TCERG1L: variants seen among roughly 807,000 people sequenced by gnomAD.
TCERG1L encodes the protein transcription elongation regulator 1 like, also known as transcription elongation regulator 1-like protein.
In TCERG1L, 37 loss-of-function variants were observed where a neutral mutation model predicts 56.3. The observed-to-expected ratio is 0.66, with a 90% confidence interval of 0.51 to 0.87. The LOEUF is 0.87. TCERG1L is among the 40% of genes least tolerant of loss of function. The pLI, the probability that TCERG1L is intolerant of heterozygous loss-of-function variation, is 0.00. For missense variants in TCERG1L, 799 were observed against 774.2 expected, an observed-to-expected ratio of 1.03 and a Z score of -0.38; for synonymous variants, 324 against 326.3, an observed-to-expected ratio of 0.99 and a Z score of 0.08.
chr10:131,199,719 G>A (rs1171002780), intron 4 of TCERG1L, among the ~76,000 whole-genome samples: 1 of 152,188 alleles, frequency 6.6e-6, no homozygotes, highest in East Asian at 1.9e-4. Context: ...CAGTCATAAA[G>A]GGCCACATAC....
At chr10:131,274,760 C>G (rs1282443072) in intron 3 of TCERG1L, among the ~76,000 whole-genome samples, 1 of 152,176 alleles carries the variant, frequency 6.6e-6, no homozygotes, top group Non-Finnish European at 1.5e-5. Flanking sequence ...TTGTGCTTTT[C>G]CAGCTGAGCT....
At chr10:131,219,256 C>T (rs1048310785) in intron 4 of TCERG1L, among the ~76,000 whole-genome samples, 6 of 152,228 alleles carry the variant, frequency 3.9e-5, no homozygotes, top group East Asian at 1.9e-4. Context: ...CAGGCCAATT[C>T]GGGAGCCTCT....
intron 4 of TCERG1L, among the ~76,000 whole-genome samples, chr10:131,167,635 C>T (rs1005878602): frequency 1.3e-5 from 2 of 152,234 alleles, no homozygotes; most frequent in African/African-American, 4.8e-5. Flanking sequence ...ATGGGCTGCC[C>T]TTGGTCCTGG....
At chr10:131,125,675 G>C (rs1414394340) in intron 8 of TCERG1L, among the ~76,000 whole-genome samples, 1 of 152,228 alleles carries the variant, frequency 6.6e-6, no homozygotes, top group Non-Finnish European at 1.5e-5. Context: ...TGAGATGGGA[G>C]CACAGGGGTG....
chr10:131,149,787 C>T (rs963495406), intron 6 of TCERG1L, among the ~76,000 whole-genome samples: 2 of 152,166 alleles, frequency 1.3e-5, no homozygotes, highest in East Asian at 1.9e-4. Flanking sequence ...CTAGACTCAT[C>T]GATGAGACCC....
intron 3 of TCERG1L, among the ~76,000 whole-genome samples, chr10:131,287,800 A>T (rs1047475104): frequency 1.2e-4 from 19 of 152,226 alleles, no homozygotes; most frequent in Non-Finnish European, 2.2e-4. Flanking sequence ...CAATAATCTC[A>T]CTTCACAGAT....
chr10:131,234,861 G>A (rs897376105), intron 4 of TCERG1L, among the ~76,000 whole-genome samples: 4 of 152,140 alleles, frequency 2.6e-5, no homozygotes, highest in Admixed American at 6.5e-5. Flanking sequence ...GCGCCACCAC[G>A]CCTAGCTAAT....
intron 9 of TCERG1L, among the ~76,000 whole-genome samples, chr10:131,107,637 G>A (rs61409667): frequency 0.015 from 2,295 of 152,188 alleles, 60 homozygotes; most frequent in African/African-American, 0.053. Context: ...CCTATGAACT[G>A]CTCCTGAGGG....
chr10:131,258,277 G>A (rs964401356), intron 4 of TCERG1L, among the ~76,000 whole-genome samples: 2 of 152,238 alleles, frequency 1.3e-5, no homozygotes, highest in Admixed American at 6.5e-5. Context: ...CCCGAATGGC[G>A]CAGATAGGCC....
At chr10:131,235,117 G>C (rs1472046320) in intron 4 of TCERG1L, among the ~76,000 whole-genome samples, 1 of 152,218 alleles carries the variant, frequency 6.6e-6, no homozygotes, top group African/African-American at 2.4e-5. Flanking sequence ...TCCTGCAGGT[G>C]CAGGAGGGTC....
At chr10:131,098,633 C>T (rs1017037112) in intron 10 of TCERG1L, among the ~76,000 whole-genome samples, 2 of 152,194 alleles carry the variant, frequency 1.3e-5, no homozygotes, top group African/African-American at 2.4e-5. Context: ...CCCACACGGC[C>T]CGGCATTTCT....
At chr10:131,126,311 C>A (rs1404723812) in intron 8 of TCERG1L, among the ~76,000 whole-genome samples, 3 of 152,198 alleles carry the variant, frequency 2.0e-5, no homozygotes, top group East Asian at 3.9e-4. Flanking sequence ...GAGGAGTGAT[C>A]AGGCCATGGG....
chr10:131,272,276 T>A (rs1435837778), intron 3 of TCERG1L, among the ~76,000 whole-genome samples: 2 of 152,218 alleles, frequency 1.3e-5, no homozygotes, highest in African/African-American at 4.8e-5. Context: ...TGTTTGCATA[T>A]CTGACTGAGG....
intron 5 of TCERG1L, among the ~76,000 whole-genome samples, chr10:131,165,837 C>T (rs549949877): frequency 3.1e-4 from 47 of 152,246 alleles, no homozygotes; most frequent in African/African-American, 7.9e-4. Context: ...GTGATAAAAA[C>T]GGCTAATCAT....
intron 4 of TCERG1L, among the ~76,000 whole-genome samples, chr10:131,219,346 C>G (rs1845705429): frequency 1.3e-5 from 2 of 152,210 alleles, no homozygotes; most frequent in Non-Finnish European, 2.9e-5. Flanking sequence ...GCTGTCACTC[C>G]CCAGGAGGGG....
At chr10:131,161,652 C>T (rs1845977903) in intron 6 of TCERG1L, 1 of 151,990 alleles carries the variant, frequency 6.6e-6, no homozygotes. Flanking sequence ...TGAGTAGCTT[C>T]AGGGAGGGTG....
chr10:131,310,140 C>T (rs961466234), intron 1 of TCERG1L, among the ~76,000 whole-genome samples: 6 of 152,024 alleles, frequency 3.9e-5, no homozygotes, highest in South Asian at 2.1e-4. Context: ...AAGATTAATG[C>T]TAAGGTTTTT....
At chr10:131,244,554 TAG>T (rs756235680) in intron 4 of TCERG1L, among the ~76,000 whole-genome samples, 32 of 152,124 alleles carry the variant, frequency 2.1e-4, no homozygotes, top group Non-Finnish European at 3.5e-4. Context: ...AGGGGACAGT[TAG>T]AGTTTGTCTC....
At chr10:131,183,643 T>G (rs1414301711) in intron 4 of TCERG1L, among the ~76,000 whole-genome samples, 1 of 152,124 alleles carries the variant, frequency 6.6e-6, no homozygotes, top group Non-Finnish European at 1.5e-5. Context: ...AATACAGTTT[T>G]ATGCACCCGC....
Sources: gnomAD v4.1 joint callset for allele counts (sites outside exome capture counted in the v4.1 genomes callset) on GRCh38, gnomAD v4.1.1 for gene constraint, MANE v1.5 for transcripts, NCBI Gene and HGNC (gene_info 2026-07-23, HGNC 2026-07-21) for gene names.